Variants in DPP6 observed in about 807,000 individuals in gnomAD.
DPP6 encodes A-type potassium channel modulatory protein DPP6.
DPP6 carries 69 observed loss-of-function variants against 122.6 expected under a neutral mutation model. That is an observed-to-expected ratio of 0.56 (90% CI 0.46 to 0.69). DPP6 has a LOEUF of 0.69. Ranked by LOEUF, DPP6 falls within the 30% of genes least tolerant of loss-of-function variation. DPP6 has a pLI of 0.00. For synonymous variants in DPP6, 418 were observed against 433.1 expected (o/e 0.97, Z 0.43); for missense variants, 928 against 1,116.9 (o/e 0.83, Z 2.41).
chr7:154,706,389 C>T (rs1840831367), intron 7 of DPP6, among the ~76,000 whole-genome samples: 1 of 152,198 alleles, frequency 6.6e-6, no homozygotes, highest in Admixed American at 6.5e-5. Context: ...ACCTCACAAC[C>T]ACCCAGACAA....
At chr7:154,212,850 GGGTACTA>G (rs1563324174) in intron 1 of DPP6, among the ~76,000 whole-genome samples, 1 of 152,150 alleles carries the variant, frequency 6.6e-6, no homozygotes. Flanking sequence ...CACACAGGTG[GGGTACTA>G]GCTCGGGCCT....
chr7:154,765,394 C>T (rs1286168935), intron 8 of DPP6, among the ~76,000 whole-genome samples: 1 of 152,214 alleles, frequency 6.6e-6, no homozygotes, highest in East Asian at 1.9e-4. Flanking sequence ...ACCTAAACCT[C>T]ACTAGGCAAA....
intron 5 of DPP6, among the ~76,000 whole-genome samples, chr7:154,570,605 C>T (rs1831047323): frequency 6.6e-6 from 1 of 152,070 alleles, no homozygotes; most frequent in African/African-American, 2.4e-5. Context: ...AGGAAAATAC[C>T]TCAGTTGTGA....
intron 7 of DPP6, among the ~76,000 whole-genome samples, chr7:154,703,071 A>G (rs1586920142): frequency 1.3e-5 from 2 of 152,222 alleles, no homozygotes; most frequent in Admixed American, 1.3e-4. Context: ...ATGCAATAAC[A>G]AGGCCTGGAT....
At chr7:154,773,441 T>C (rs1563194357) in intron 10 of DPP6, among the ~76,000 whole-genome samples, 1 of 152,208 alleles carries the variant, frequency 6.6e-6, no homozygotes, top group Non-Finnish European at 1.5e-5. Flanking sequence ...TAGCATCTGA[T>C]TGTGGTCGCT....
At chr7:154,084,860 G>T (rs1217258756) in intron 1 of DPP6, among the ~76,000 whole-genome samples, 1 of 151,736 alleles carries the variant, frequency 6.6e-6, no homozygotes, top group Non-Finnish European at 1.5e-5. Flanking sequence ...CATGGTGGTG[G>T]GCGCCTGGAG....
At position 154,241,405 on chromosome 7, in the gene DPP6, G is replaced by A. The variant is rs927174611; in HGVS notation, c.243+188342G>A. Among the ~76,000 whole-genome samples the A allele has an allele frequency of 1.3e-5, 2 of 151,916 alleles. No homozygotes were observed. The highest frequency in any genetic ancestry group is 2.9e-5 in the Non-Finnish European group (2 of 68,000). ...AAAGATCCCATTCTGGCAGGTCATG[G>A]TGACTCACACCTGGCGTGGAGGTGA... On this transcript the variant is annotated intron_variant, in intron 1 of 25. Coordinates refer to ENST00000377770, the MANE Select transcript of DPP6 (RefSeq NM_130797.4). The surrounding 1 kb of genome is among the most constrained non-coding windows in gnomAD (Gnocchi z 9.0).
chr7:154,578,504 GGCTTGGCAGGGGCTATT>G (rs1831833131), intron 5 of DPP6, among the ~76,000 whole-genome samples: 1 of 1,674 alleles, frequency 6.0e-4, no homozygotes, highest in South Asian at 0.05. Flanking sequence ...GGGCTATTCG[GGCTTGGCAGGGGCTATT>G]CGGGCTTGGC....
chr7:154,129,054 A>C (rs964905747), intron 1 of DPP6, among the ~76,000 whole-genome samples: 2 of 150,268 alleles, frequency 1.3e-5, no homozygotes, highest in Non-Finnish European at 3.0e-5. Context: ...CAAACCCACC[A>C]CCCCCCGACA....
At chr7:153,845,168 G>A in the DPP6 span, among the ~76,000 whole-genome samples, 12 of 152,074 alleles carry the variant, frequency 7.9e-5, no homozygotes, top group African/African-American at 2.6e-4. Context: ...GTACTATATT[G>A]GAAATCTTAT....
chr7:154,463,455 T>C (rs535577933), intron 2 of DPP6, among the ~76,000 whole-genome samples: 14 of 151,910 alleles, frequency 9.2e-5, no homozygotes, highest in Non-Finnish European at 1.6e-4. Flanking sequence ...GATCCGCCCG[T>C]CTCGGCCTCC....
intron 1 of DPP6, among the ~76,000 whole-genome samples, chr7:153,965,045 A>T: frequency 8.3e-6 from 1 of 120,940 alleles, no homozygotes. Flanking sequence ...TCTTTCTCTC[A>T]GAATTCAGAC....
the DPP6 span, among the ~76,000 whole-genome samples, chr7:153,862,832 A>G: frequency 2.6e-5 from 4 of 152,192 alleles, no homozygotes; most frequent in African/African-American, 9.6e-5. Flanking sequence ...AGAACTAAAC[A>G]ACAAATCGGT....
At chr7:153,822,179 ATCTTTTT>A in the DPP6 span, among the ~76,000 whole-genome samples, 6 of 95,168 alleles carry the variant, frequency 6.3e-5, no homozygotes, top group East Asian at 3.3e-4. Flanking sequence ...AAGGGGGGGA[ATCTTTTT>A]TTTTTTTTTT....
intron 21 of DPP6, among the ~76,000 whole-genome samples, chr7:154,882,216 T>A (rs759969242): frequency 5.3e-5 from 8 of 152,108 alleles, no homozygotes; most frequent in Non-Finnish European, 1.0e-4. Flanking sequence ...GCAGCCGAGG[T>A]GCCAAAGGGA....
At chr7:154,860,753 T>C (rs1012334503) in intron 17 of DPP6, among the ~76,000 whole-genome samples, 2 of 151,968 alleles carry the variant, frequency 1.3e-5, no homozygotes, top group African/African-American at 4.8e-5. Flanking sequence ...GTCTGGAGAG[T>C]AGGTCCTCAT....
At chr7:154,868,186 G>C in intron 18 of DPP6, 93 bp downstream of exon 18, 1 of 1,482,344 alleles carries the variant, frequency 6.7e-7, no homozygotes, top group Non-Finnish European at 9.0e-7. Context: ...GCCCTGCAAG[G>C]AAGACTCCCC....
At chr7:153,878,401 C>T in the DPP6 span, among the ~76,000 whole-genome samples, 1 of 151,602 alleles carries the variant, frequency 6.6e-6, no homozygotes, top group Middle Eastern at 3.2e-3. Flanking sequence ...TCCAAATTGA[C>T]TCAACAATAG....
At chr7:154,527,911 T>C (rs976666402) in intron 3 of DPP6, among the ~76,000 whole-genome samples, 1 of 152,098 alleles carries the variant, frequency 6.6e-6, no homozygotes, top group Admixed American at 6.6e-5. Flanking sequence ...TGATCTATGA[T>C]ACTATGAGTA....
Sources: allele counts gnomAD v4.1 joint callset (sites outside exome capture counted in the v4.1 genomes callset), GRCh38; gene constraint gnomAD v4.1.1; non-coding constraint Gnocchi (gnomAD v3.1); transcripts MANE v1.5; gene names NCBI Gene and HGNC (gene_info 2026-07-23, HGNC 2026-07-21).